The following PDGFD variants were observed in gnomAD, a reference collection of about 807,000 sequenced individuals.
The protein encoded by PDGFD is platelet-derived growth factor D.
Under a neutral mutation model 44.7 loss-of-function variants are expected in PDGFD, and 30 were observed. The observed-to-expected ratio is 0.67, with a 90% CI of 0.50 to 0.91. The LOEUF is 0.91. Ranked by LOEUF, PDGFD falls within the 40% of genes least tolerant of loss-of-function variation. The pLI is 0.00. For synonymous variants in PDGFD, 173 were observed against 168.4 expected, an observed-to-expected ratio of 1.03 and a Z score of -0.21; for missense variants, 445 against 457.8, an observed-to-expected ratio of 0.97 and a Z score of 0.25.
chr11:104,076,656 G>C (rs574025856), intron 1 of PDGFD, among the ~76,000 whole-genome samples: 1 of 152,006 alleles, frequency 6.6e-6, no homozygotes, highest in Non-Finnish European at 1.5e-5. Flanking sequence ...TGACACATTC[G>C]TTCTGAAAGG....
chr11:104,162,644 A>C (rs138111741), intron 1 of PDGFD, among the ~76,000 whole-genome samples: 104 of 152,270 alleles, frequency 6.8e-4, no homozygotes, highest in Non-Finnish European at 1.1e-3. Context: ...ACTCATCATC[A>C]GATAACATAA....
intron 5 of PDGFD, among the ~76,000 whole-genome samples, chr11:103,939,481 T>C (rs1031683910): frequency 2.0e-5 from 3 of 152,148 alleles, no homozygotes; most frequent in East Asian, 1.9e-4. Flanking sequence ...TTTCTAGATA[T>C]ACAATCATGT....
At chr11:104,088,411 A>G (rs1447319494) in intron 1 of PDGFD, among the ~76,000 whole-genome samples, 1 of 152,184 alleles carries the variant, frequency 6.6e-6, no homozygotes, top group East Asian at 1.9e-4. Context: ...GTGCTTAACA[A>G]TTTGCTTTTA....
chr11:103,977,919 A>G (rs1486088216), intron 3 of PDGFD, among the ~76,000 whole-genome samples: 1 of 150,564 alleles, frequency 6.6e-6, no homozygotes, highest in Non-Finnish European at 1.5e-5. Flanking sequence ...AGGAACCAGT[A>G]AAGTAGAGAT....
chr11:103,992,176 A>C (rs1859465219), intron 3 of PDGFD, among the ~76,000 whole-genome samples: 1 of 152,242 alleles, frequency 6.6e-6, no homozygotes, highest in Non-Finnish European at 1.5e-5. Flanking sequence ...TCAGAAAAGA[A>C]GGCTGAACAG....
At chr11:104,087,795 A>G (rs1406334552) in intron 1 of PDGFD, among the ~76,000 whole-genome samples, 7 of 152,200 alleles carry the variant, frequency 4.6e-5, no homozygotes, top group Non-Finnish European at 7.3e-5. Flanking sequence ...CCGCAAGCAG[A>G]TAAGTGTTAA....
rs556064725 is a variant in PDGFD, at chr11:104,098,496, C to T, written c.124+65308G>A. ...ATATATAGAGAGGGGAAATATTTTC[C>T]TTCTGTTTCTCTTTTTTTTTTTTTT... is the stretch of plus-strand genomic sequence containing the variant. On this transcript the variant is annotated intron_variant, in intron 1 of 6. Coordinates refer to ENST00000393158, the MANE Select transcript of PDGFD (RefSeq NM_025208.5). 6.1e-5 allele frequency among the ~76,000 whole-genome samples: 8 copies of T among 132,228 alleles called. No individual in the cohort carries two copies. In the East Asian group the frequency reaches 1.9e-3, roughly 31 times the overall value. The allele number at this position is 132,228 out of a possible 152,430, so 86.7% of individuals were successfully genotyped here. A position where few individuals can be genotyped will look rare whatever the true frequency, so the allele number is the denominator to read the frequency against.
At chr11:104,060,320 C>T (rs1374266651) in intron 1 of PDGFD, among the ~76,000 whole-genome samples, 1 of 152,186 alleles carries the variant, frequency 6.6e-6, no homozygotes, top group Non-Finnish European at 1.5e-5. Context: ...TTCCTCTTTC[C>T]TGGGCTAGGC....
At chr11:104,146,616 G>T (rs1862166342) in intron 1 of PDGFD, among the ~76,000 whole-genome samples, 1 of 152,098 alleles carries the variant, frequency 6.6e-6, no homozygotes, top group Non-Finnish European at 1.5e-5. Flanking sequence ...TATAAAATTA[G>T]GCAACAGGAC....
At chr11:104,022,460 G>A (rs1163003511) in intron 1 of PDGFD, among the ~76,000 whole-genome samples, 2 of 152,026 alleles carry the variant, frequency 1.3e-5, no homozygotes, top group Non-Finnish European at 2.9e-5. Flanking sequence ...TTGGAAGTAT[G>A]ACATTACAGT....
At chr11:103,925,112 T>C (rs937004490) in intron 6 of PDGFD, among the ~76,000 whole-genome samples, 1 of 152,222 alleles carries the variant, frequency 6.6e-6, no homozygotes, top group Non-Finnish European at 1.5e-5. Flanking sequence ...GCTTCATCCG[T>C]GTCTCTGCAA....
chr11:103,985,013 A>G (rs1282698936), intron 3 of PDGFD, among the ~76,000 whole-genome samples: 1 of 136,416 alleles, frequency 7.3e-6, no homozygotes, highest in Non-Finnish European at 1.5e-5. Context: ...ATATTTATGT[A>G]ATATATATTA....
At position 103,973,699 on chromosome 11, in the gene PDGFD, T is replaced by A. The variant is rs940941387; in HGVS notation, c.510+22366A>T. 2.6e-5 allele frequency among the ~76,000 whole-genome samples: 4 copies of A among 152,270 alleles called. No individual in the cohort carries two copies. The South Asian group carries it at 6.2e-4, about 24-fold the overall frequency. ...TAAGCAGCAGAGGCTGAATTTAAAT[T>A]CCAGAACCATCATGGAGACTCCTCT... On this transcript the variant is annotated intron_variant, in intron 3 of 6. Transcript: ENST00000393158.
At chr11:104,006,667 A>G (rs1472874936) in intron 1 of PDGFD, among the ~76,000 whole-genome samples, 2 of 152,178 alleles carry the variant, frequency 1.3e-5, no homozygotes, top group African/African-American at 2.4e-5. Flanking sequence ...AGTGCAGAAG[A>G]ATGGACGAAC....
At chr11:104,014,660 C>T (rs1859834847) in intron 1 of PDGFD, among the ~76,000 whole-genome samples, 1 of 152,064 alleles carries the variant, frequency 6.6e-6, no homozygotes, top group Non-Finnish European at 1.5e-5. Context: ...TTGTGTGTGC[C>T]TACATTGCTA....
chr11:103,955,112 C>T (rs1341555197), intron 3 of PDGFD, among the ~76,000 whole-genome samples: 3 of 123,746 alleles, frequency 2.4e-5, no homozygotes, highest in African/African-American at 9.3e-5. Flanking sequence ...TGCAGTGAGC[C>T]GAGATCCCGC....
At chr11:104,148,075 CT>C (rs1862188538) in intron 1 of PDGFD, among the ~76,000 whole-genome samples, 1 of 152,124 alleles carries the variant, frequency 6.6e-6, no homozygotes, top group Non-Finnish European at 1.5e-5. Context: ...AATTTTGCAC[CT>C]GGCATAAAAA....
intron 1 of PDGFD, among the ~76,000 whole-genome samples, chr11:104,102,281 A>C (rs1463309904): frequency 5.9e-5 from 9 of 152,228 alleles, no homozygotes; most frequent in South Asian, 2.1e-4. Context: ...ATGAACAGAC[A>C]CTTCTCAAAA....
At chr11:103,958,367 T>A (rs1306466400) in intron 3 of PDGFD, among the ~76,000 whole-genome samples, 1 of 152,220 alleles carries the variant, frequency 6.6e-6, no homozygotes, top group Non-Finnish European at 1.5e-5. Flanking sequence ...CAGGTTTTCA[T>A]AAATTCCTTA....
Sources: allele counts gnomAD v4.1 joint callset (sites outside exome capture counted in the v4.1 genomes callset), GRCh38; gene constraint gnomAD v4.1.1; transcripts MANE v1.5; gene names NCBI Gene and HGNC (gene_info 2026-07-23, HGNC 2026-07-21).